VAPB: variants seen among roughly 807,000 people sequenced by gnomAD.
VAPB encodes the protein VAMP associated protein B and C.
Under a neutral mutation model 25.6 loss-of-function variants are expected in VAPB, and 7 were observed. The observed-to-expected ratio is 0.27, with a 90% CI of 0.16 to 0.51. The LOEUF (loss-of-function observed/expected upper bound fraction) is 0.51, where lower values mean the gene tolerates loss of function less well. Among genes scored for constraint, VAPB ranks in the 20% least tolerant of loss-of-function variants. The probability of loss-of-function intolerance (pLI) is 0.97; values close to 1 mark genes in which losing one functional copy is unlikely to be tolerated. For missense variants in VAPB, 266 were observed against 301.3 expected (o/e 0.88, Z 0.87); for synonymous variants, 112 against 109.2 (o/e 1.03, Z -0.16).
At chr20:58,436,992 C>CTTTTTTTTTTTTT (rs34944837) in intron 3 of VAPB, among the ~76,000 whole-genome samples, 5 of 77,432 alleles carry the variant, frequency 6.5e-5, no homozygotes, top group African/African-American at 1.6e-4. Flanking sequence ...AAACTTTGAA[C>CTTTTTTTTTTTTT]TTTTTTTTTT....
intron 3 of VAPB, among the ~76,000 whole-genome samples, chr20:58,438,036 C>G (rs1164047580): frequency 6.6e-6 from 1 of 152,124 alleles, no homozygotes; most frequent in South Asian, 2.1e-4. Context: ...GAGAAGTAAT[C>G]AGGAGCGTAT....
At chr20:58,390,771 A>C (rs909579691) in intron 1 of VAPB, among the ~76,000 whole-genome samples, 7 of 152,154 alleles carry the variant, frequency 4.6e-5, no homozygotes, top group Non-Finnish European at 1.5e-5. Context: ...GTGTAGGGTA[A>C]CTTACCCAAA....
rs1314128784 is a variant in VAPB, at chr20:58,445,873, A to G, written c.*1638A>G. On this transcript the variant is annotated 3_prime_UTR_variant, in exon 6 of 6. Transcript: ENST00000475243. ...AGGGAACCATGCCATTGAGACTAGT[A>G]ACGGGCGTTCTGGGCACAGTCCCAC... 1 of 454,024 alleles carries G rather than the reference A, an allele frequency of 2.2e-6. No individual in the cohort carries two copies. Among genetic ancestry groups the G allele is most frequent in the Non-Finnish European group, 4.4e-6 (1 of 226,780 alleles). The allele number at this position is 454,024 out of a possible 1,614,324, so 28.1% of individuals were successfully genotyped here. A position where few individuals can be genotyped will look rare whatever the true frequency, so the allele number is the denominator to read the frequency against.
At chr20:58,427,567 T>C (rs942234650) in intron 2 of VAPB, among the ~76,000 whole-genome samples, 3 of 152,150 alleles carry the variant, frequency 2.0e-5, no homozygotes, top group Non-Finnish European at 4.4e-5. Flanking sequence ...CTGTGATCTG[T>C]TACCATTATG....
chr20:58,412,444 G>C (rs1266812949), intron 1 of VAPB, among the ~76,000 whole-genome samples: 1 of 152,018 alleles, frequency 6.6e-6, no homozygotes, highest in Non-Finnish European at 1.5e-5. Context: ...GCCAGGTGTG[G>C]CATATGCCTG....
At chr20:58,394,954 T>C (rs569658571) in intron 1 of VAPB, among the ~76,000 whole-genome samples, 46 of 152,234 alleles carry the variant, frequency 3.0e-4, no homozygotes, top group Non-Finnish European at 5.3e-4. Context: ...TTTATTAAAA[T>C]TGTATGCATG....
rs760656837 is a variant in VAPB, at chr20:58,389,497, A to G, written c.38A>G (p.Gln13Arg). Residue 13 changes from glutamine (Q) to arginine (R), a missense_variant, in exon 1 of 6, where the codon CAG (glutamine) becomes CGG (arginine). By Grantham distance (43) the Gln-to-Arg change is conservative. Transcript: ENST00000475243. Reference protein sequence around the residue: ...KVEQVLSLEPQHELKFRGPFT... With the variant: ...KVEQVLSLEPRHELKFRGPFT... ...GAGCAGGTCCTGAGCCTCGAGCCGC[A>G]GCACGAGCTCAAATTCCGAGGTAAG... is the stretch of plus-strand genomic sequence containing the variant. The G allele has an allele frequency of 3.1e-6, 5 of 1,593,496 alleles. No homozygotes were observed. In the East Asian group the frequency reaches 9.1e-5, roughly 29 times the overall value.
chr20:58,431,072 C>T (rs1438359654), intron 2 of VAPB: 1 of 152,226 alleles, frequency 6.6e-6, no homozygotes, highest in Non-Finnish European at 1.5e-5. Context: ...TTCGATACTA[C>T]ACCAAAACTT....
At chr20:58,436,016 C>A (rs1427246976) in intron 3 of VAPB, among the ~76,000 whole-genome samples, 1 of 152,026 alleles carries the variant, frequency 6.6e-6, no homozygotes, top group Non-Finnish European at 1.5e-5. Flanking sequence ...AGGTTTTGAT[C>A]ATTTGTAAAA....
intron 1 of VAPB, among the ~76,000 whole-genome samples, chr20:58,409,902 T>TAC (rs879524307): frequency 5.8e-4 from 70 of 120,200 alleles, no homozygotes; most frequent in East Asian, 3.4e-3. Context: ...TCTTTATTCA[T>TAC]ATACACACAC....
intron 2 of VAPB, among the ~76,000 whole-genome samples, chr20:58,420,943 A>G (rs531730946): frequency 4.6e-5 from 7 of 152,340 alleles, no homozygotes; most frequent in East Asian, 3.9e-4. Flanking sequence ...TAATACAGCT[A>G]CATGATGACA....
Position 58,409,202 on chromosome 20 carries a change from T to G in VAPB, c.59-9009T>G, listed in dbSNP as rs530359401. 2.2e-4 allele frequency among the ~76,000 whole-genome samples: 34 copies of G among 152,200 alleles called. No homozygotes were observed. In the East Asian group the frequency reaches 4.8e-3, roughly 22 times the overall value. On this transcript the variant is annotated intron_variant, in intron 1 of 5. Transcript: ENST00000475243. ...AATGAACAAGAGGGACAAAAAAGTC[T>G]GTGTTGATGGAGTTTCCATTCTAGA...
intron 5 of VAPB, 23 bp downstream of exon 5, chr20:58,441,106 T>C (rs1186845852): frequency 1.2e-6 from 2 of 1,612,506 alleles, no homozygotes; most frequent in East Asian, 2.2e-5. Context: ...TTTCTGGTAA[T>C]CTACAGAAAA....
chr20:58,437,361 A>C (rs1406483751), intron 3 of VAPB, among the ~76,000 whole-genome samples: 1 of 152,114 alleles, frequency 6.6e-6, no homozygotes, highest in African/African-American at 2.4e-5. Flanking sequence ...CCTCATGATT[A>C]AATTCAAGTT....
At chr20:58,425,741 G>C (rs993705177) in intron 2 of VAPB, among the ~76,000 whole-genome samples, 1 of 152,176 alleles carries the variant, frequency 6.6e-6, no homozygotes. Flanking sequence ...TTAGAAATTG[G>C]AGTGCTCATT....
At chr20:58,425,333 A>G (rs1988761971) in intron 2 of VAPB, among the ~76,000 whole-genome samples, 1 of 152,190 alleles carries the variant, frequency 6.6e-6, no homozygotes, top group Admixed American at 6.5e-5. Flanking sequence ...GGGACAGAAG[A>G]AAAGCCAGCT....
rs1219343693 is a variant in VAPB at position 58,445,895 on chromosome 20, C to T, written c.*1660C>T. The T allele has an allele frequency of 4.4e-6, 2 of 453,958 alleles. No individual in the cohort carries two copies. The highest frequency in any genetic ancestry group is 6.9e-5 in the East Asian group (1 of 14,392). The allele number at this position is 453,958 out of a possible 1,614,324, so 28.1% of individuals were successfully genotyped here. A position where few individuals can be genotyped will look rare whatever the true frequency, so the allele number is the denominator to read the frequency against. On this transcript the variant is annotated 3_prime_UTR_variant, in exon 6 of 6. Transcript: ENST00000475243. ...AGTAACGGGCGTTCTGGGCACAGTCCCACTGTGCACAGGTTTGAGAGGACA... is the reference window on the plus strand; with the variant it reads ...AGTAACGGGCGTTCTGGGCACAGTCTCACTGTGCACAGGTTTGAGAGGACA...
At chr20:58,443,708 T>C (rs2235809) in intron 5 of VAPB, among the ~76,000 whole-genome samples, 15,377 of 152,044 alleles carry the variant, frequency 0.1, 950 homozygotes, top group East Asian at 0.26. Flanking sequence ...GAGGTTGGGG[T>C]TGAAGAGAAG....
At position 58,444,283 on chromosome 20, in the gene VAPB, C is replaced by T. The variant is rs376092043; in HGVS notation, c.*48C>T. The T allele has an allele frequency of 1.9e-5, 31 of 1,613,396 alleles. No individual in the cohort carries two copies. The East Asian group carries it at 5.1e-4, about 27-fold the overall frequency. ...AATTGGATTGGTGGATCCACCATAT[C>T]ATGGGATTTAAATTTATCATAACCA... On this transcript the variant is annotated 3_prime_UTR_variant, in exon 6 of 6. Coordinates refer to ENST00000475243, the MANE Select transcript of VAPB (RefSeq NM_004738.5).
Sources: gnomAD v4.1 joint callset for allele counts (sites outside exome capture counted in the v4.1 genomes callset) on GRCh38, gnomAD v4.1.1 for gene constraint, MANE v1.5 for transcripts, NCBI Gene and HGNC (gene_info 2026-07-23, HGNC 2026-07-21) for gene names.